ELMO1: variants seen among roughly 807,000 people sequenced by gnomAD.
The protein encoded by ELMO1 is engulfment and cell motility protein 1.
Under a neutral mutation model 98.9 loss-of-function variants are expected in ELMO1, and 26 were observed. The observed-to-expected ratio is 0.26, with a 90% CI of 0.19 to 0.36. The LOEUF is 0.36. ELMO1 is among the 10% of genes least tolerant of loss of function. The probability of loss-of-function intolerance (pLI) is 1.00; values close to 1 mark genes in which losing one functional copy is unlikely to be tolerated. For synonymous variants in ELMO1, 346 were observed against 346.0 expected (o/e 1.00, Z 0.00); for missense variants, 627 against 935.2 (o/e 0.67, Z 4.30).
intron 16 of ELMO1, among the ~76,000 whole-genome samples, chr7:36,921,404 A>T (rs1785145297): frequency 6.6e-6 from 1 of 152,356 alleles, no homozygotes; most frequent in Admixed American, 6.5e-5. Flanking sequence ...TAAGATGAGG[A>T]CAAAAACAGT....
intron 4 of ELMO1, among the ~76,000 whole-genome samples, chr7:37,297,250 T>C (rs879815985): frequency 6.6e-5 from 10 of 152,228 alleles, no homozygotes; most frequent in Admixed American, 6.5e-4. Context: ...ACAATATTTT[T>C]AAAGGTTGTA....
chr7:37,258,006 A>T (rs1206894585), intron 6 of ELMO1, among the ~76,000 whole-genome samples: 2 of 151,832 alleles, frequency 1.3e-5, no homozygotes, highest in Non-Finnish European at 2.9e-5. Context: ...GTGGTGACTC[A>T]CGCCTGTAAT....
intron 1 of ELMO1, among the ~76,000 whole-genome samples, chr7:37,443,253 T>C (rs951260384): frequency 2.0e-5 from 3 of 152,208 alleles, no homozygotes; most frequent in Middle Eastern, 3.2e-3. Context: ...TCTCCAGTGT[T>C]TTCTACTGAG....
chr7:36,891,844 C>T (rs1432457517), intron 17 of ELMO1, among the ~76,000 whole-genome samples: 1 of 152,200 alleles, frequency 6.6e-6, no homozygotes, highest in African/African-American at 2.4e-5. Context: ...ACACATTTTG[C>T]TTCCCTGCTT....
At chr7:36,883,573 T>A (rs1294882086) in intron 18 of ELMO1, among the ~76,000 whole-genome samples, 1 of 152,088 alleles carries the variant, frequency 6.6e-6, no homozygotes, top group Non-Finnish European at 1.5e-5. Flanking sequence ...TGAGATCTGG[T>A]TGTTTAAGTG....
rs1803420985 is a variant in ELMO1, at chr7:36,870,537, G to GA, written c.1823-63dup. On this transcript the variant is annotated intron_variant, in intron 19 of 21. Coordinates refer to ENST00000310758, the MANE Select transcript of ELMO1 (RefSeq NM_014800.11). The surrounding 1 kb of genome is among the most constrained non-coding windows in gnomAD (Gnocchi z 4.4). ...ATGTGAAAACTTTGATGTCAATAAAGAAACAGGACTAAGCACTGGGTCCGC... is the reference window on the plus strand; with the variant it reads ...ATGTGAAAACTTTGATGTCAATAAAGAAAACAGGACTAAGCACTGGGTCCGC... 1 of 1,519,632 alleles carries GA rather than the reference G, an allele frequency of 6.6e-7. No homozygotes were observed. The highest frequency in any genetic ancestry group is 1.4e-5 in the African/African-American group (1 of 72,430). The allele number at this position is 1,519,632 out of a possible 1,614,324, so 94.1% of individuals were successfully genotyped here.
chr7:37,117,423 G>C (rs770497745), intron 14 of ELMO1, among the ~76,000 whole-genome samples: 3 of 152,156 alleles, frequency 2.0e-5, no homozygotes, highest in Non-Finnish European at 4.4e-5. Flanking sequence ...TCAGCTAATA[G>C]AGGTTTGTGG....
chr7:37,026,189 A>ACACCCAAG (rs1794567596), intron 15 of ELMO1, among the ~76,000 whole-genome samples: 1 of 152,162 alleles, frequency 6.6e-6, no homozygotes, highest in Non-Finnish European at 1.5e-5. Context: ...CAACCATGTG[A>ACACCCAAG]GATGGGCACC....
intron 1 of ELMO1, among the ~76,000 whole-genome samples, chr7:37,402,031 C>T (rs956120633): frequency 2.0e-5 from 3 of 152,222 alleles, no homozygotes; most frequent in Non-Finnish European, 4.4e-5. Context: ...ACAGGTTTAC[C>T]CGCTTCTTCA....
intron 16 of ELMO1, among the ~76,000 whole-genome samples, chr7:36,958,941 T>G (rs1372840421): frequency 1.3e-5 from 2 of 152,110 alleles, no homozygotes; most frequent in Non-Finnish European, 2.9e-5. Context: ...TCTATTCCAC[T>G]GCTTTCTCTA....
At chr7:36,999,409 C>G (rs1030623377) in intron 16 of ELMO1, among the ~76,000 whole-genome samples, 1 of 152,208 alleles carries the variant, frequency 6.6e-6, no homozygotes, top group African/African-American at 2.4e-5. Flanking sequence ...CCATGACGAT[C>G]AGTCTCTAGA....
intron 16 of ELMO1, among the ~76,000 whole-genome samples, chr7:36,988,561 G>C (rs928844808): frequency 6.6e-6 from 1 of 152,200 alleles, no homozygotes; most frequent in Non-Finnish European, 1.5e-5. Context: ...TATAAAAACA[G>C]AGCTATGAAC....
intron 18 of ELMO1, among the ~76,000 whole-genome samples, chr7:36,883,515 G>A (rs1322526103): frequency 6.6e-6 from 1 of 152,150 alleles, no homozygotes; most frequent in Non-Finnish European, 1.5e-5. Flanking sequence ...GCTCATGAAT[G>A]TTTTAGCGCC....
intron 18 of ELMO1, among the ~76,000 whole-genome samples, chr7:36,878,336 G>A (rs1454107396): frequency 6.6e-6 from 1 of 152,086 alleles, no homozygotes; most frequent in Non-Finnish European, 1.5e-5. Flanking sequence ...GTAACCATTA[G>A]TAAAGTCATT....
intron 1 of ELMO1, among the ~76,000 whole-genome samples, chr7:37,378,118 C>T (rs112173730): frequency 5.3e-5 from 8 of 152,254 alleles, no homozygotes; most frequent in South Asian, 2.1e-4. Flanking sequence ...AAACAAAATC[C>T]GGAGGTCCCT....
chr7:37,418,804 C>T (rs925158090), intron 1 of ELMO1, among the ~76,000 whole-genome samples: 2 of 152,074 alleles, frequency 1.3e-5, no homozygotes, highest in Non-Finnish European at 2.9e-5. Flanking sequence ...TCAGGTTAAG[C>T]GTGGGAGGCA....
At chr7:37,066,147 C>T (rs1584590428) in intron 15 of ELMO1, among the ~76,000 whole-genome samples, 6 of 152,166 alleles carry the variant, frequency 3.9e-5, no homozygotes, top group African/African-American at 1.2e-4. Flanking sequence ...TCAATTAGAC[C>T]TCTTTCCTTT....
chr7:37,155,487 C>CAAAAAAAAAAA (rs781745325), intron 13 of ELMO1, among the ~76,000 whole-genome samples: 5 of 49,668 alleles, frequency 1.0e-4, no homozygotes, highest in African/African-American at 2.0e-4. Context: ...AAACGGAAAG[C>CAAAAAAAAAAA]AAAAAAAAAA....
At chr7:37,175,757 G>C (rs1362185790) in intron 13 of ELMO1, among the ~76,000 whole-genome samples, 7 of 152,182 alleles carry the variant, frequency 4.6e-5, no homozygotes, top group African/African-American at 1.7e-4. Context: ...TGAGGCACCA[G>C]AATCACTTGA....
Sources: gnomAD v4.1 joint callset for allele counts (sites outside exome capture counted in the v4.1 genomes callset) on GRCh38, gnomAD v4.1.1 for gene constraint, Gnocchi (gnomAD v3.1) non-coding constraint, MANE v1.5 for transcripts, NCBI Gene and HGNC (gene_info 2026-07-23, HGNC 2026-07-21) for gene names.